Variants in RBFOX1 observed in about 807,000 individuals in gnomAD.
RBFOX1 encodes RNA binding protein fox-1 homolog 1.
Under a neutral mutation model 57.7 loss-of-function variants are expected in RBFOX1, and 8 were observed. The observed-to-expected ratio is 0.14, with a 90% CI of 0.08 to 0.25. The LOEUF is 0.25. RBFOX1 is among the 10% of genes least tolerant of loss of function. RBFOX1 has a pLI of 1.00. For missense variants in RBFOX1, 611 were observed against 548.5 expected (o/e 1.11, Z -1.14); for synonymous variants, 326 against 222.4 (o/e 1.47, Z -4.15).
intron 4 of RBFOX1, among the ~76,000 whole-genome samples, chr16:7,486,807 T>C (rs769752237): frequency 5.3e-5 from 8 of 152,162 alleles, no homozygotes; most frequent in African/African-American, 1.7e-4. Context: ...GGTTCCAACA[T>C]TGCCTGCCTC....
intron 3 of RBFOX1, among the ~76,000 whole-genome samples, chr16:6,986,823 T>C (rs1443078290): frequency 6.6e-6 from 1 of 152,124 alleles, no homozygotes; most frequent in African/African-American, 2.4e-5. Context: ...CAGGTGCCTG[T>C]ATGTTTCACT....
At chr16:6,483,209 C>T (rs1300938448) in intron 2 of RBFOX1, 4 of 1,203,352 alleles carry the variant, frequency 3.3e-6, no homozygotes, top group African/African-American at 1.6e-5. Context: ...CGAGGCCGGC[C>T]GGGGAAGCCG....
At chr16:6,990,219 C>T (rs1017800684) in intron 3 of RBFOX1, among the ~76,000 whole-genome samples, 7 of 152,076 alleles carry the variant, frequency 4.6e-5, no homozygotes, top group South Asian at 2.1e-4. Flanking sequence ...TTCTTTGCTT[C>T]GCATTTTAAA....
chr16:5,728,186 C>G (rs1596995514), intron 3 of RBFOX1, among the ~76,000 whole-genome samples: 6 of 152,220 alleles, frequency 3.9e-5, no homozygotes, highest in South Asian at 2.1e-4. Context: ...TGACAATAGC[C>G]AAGATATACA....
intron 8 of RBFOX1, among the ~76,000 whole-genome samples, chr16:7,596,596 A>G (rs1381564213): frequency 1.3e-5 from 2 of 152,058 alleles, no homozygotes; most frequent in Non-Finnish European, 2.9e-5. Flanking sequence ...ATATATATAT[A>G]TACCACGTGA....
At chr16:7,377,288 C>A (rs771267928) in intron 4 of RBFOX1, among the ~76,000 whole-genome samples, 2 of 152,170 alleles carry the variant, frequency 1.3e-5, no homozygotes, top group African/African-American at 4.8e-5. Flanking sequence ...GATACTGGGA[C>A]ACAGGTGGTC....
intron 3 of RBFOX1, among the ~76,000 whole-genome samples, chr16:5,824,114 C>T (rs904039411): frequency 6.6e-6 from 1 of 152,192 alleles, no homozygotes; most frequent in African/African-American, 2.4e-5. Context: ...CTCTCTGGGC[C>T]TGGGAGCTAG....
intron 3 of RBFOX1, among the ~76,000 whole-genome samples, chr16:6,829,202 C>T (rs1051721778): frequency 1.3e-5 from 2 of 149,484 alleles, no homozygotes; most frequent in African/African-American, 5.0e-5. Context: ...TGTCATTTGA[C>T]CCAAAAGAAA....
intron 3 of RBFOX1, among the ~76,000 whole-genome samples, chr16:6,960,140 T>C (rs1045853359): frequency 2.0e-5 from 3 of 151,962 alleles, no homozygotes; most frequent in African/African-American, 7.3e-5. Flanking sequence ...TCTTGAGAAA[T>C]AAGTTTTTTG....
intron 3 of RBFOX1, among the ~76,000 whole-genome samples, chr16:6,861,355 T>C (rs1317410802): frequency 6.6e-6 from 1 of 152,098 alleles, no homozygotes; most frequent in Non-Finnish European, 1.5e-5. Context: ...AGTAAAGAGA[T>C]GCAGTACCCT....
At chr16:7,506,761 C>G (rs1391476986) in intron 4 of RBFOX1, among the ~76,000 whole-genome samples, 1 of 152,054 alleles carries the variant, frequency 6.6e-6, no homozygotes, top group Non-Finnish European at 1.5e-5. Context: ...TGTTTAGCAC[C>G]TCAGTTTTCT....
At chr16:5,940,055 C>G (rs2059248731) in intron 4 of RBFOX1, among the ~76,000 whole-genome samples, 1 of 152,164 alleles carries the variant, frequency 6.6e-6, no homozygotes, top group Non-Finnish European at 1.5e-5. Flanking sequence ...ATAGTGAGTG[C>G]TAGGTAAATT....
rs570600231 is a variant in RBFOX1 at position 7,236,985 on chromosome 16, T to C, written c.27+184887T>C. On this transcript the variant is annotated intron_variant, in intron 4 of 15. Transcript: ENST00000550418. Reference sequence around the variant, plus strand: ...CTGTGTAACTAGGATAAGCTGGCTTTGGAAGAGGCAAGCCGTTCTTTCACT... The same window carrying C: ...CTGTGTAACTAGGATAAGCTGGCTTCGGAAGAGGCAAGCCGTTCTTTCACT... Among the ~76,000 whole-genome samples the C allele has an allele frequency of 2.4e-4, 37 of 152,332 alleles. No individual in the cohort carries two copies. The South Asian group carries it at 4.6e-3, about 19-fold the overall frequency.
chr16:5,880,796 A>G (rs2057743171), intron 4 of RBFOX1, among the ~76,000 whole-genome samples: 1 of 152,244 alleles, frequency 6.6e-6, no homozygotes, highest in Non-Finnish European at 1.5e-5. Flanking sequence ...AAATACTTAG[A>G]ATCACAAAGG....
intron 4 of RBFOX1, among the ~76,000 whole-genome samples, chr16:5,937,638 T>A (rs2152259586): frequency 6.7e-6 from 1 of 150,344 alleles, no homozygotes; most frequent in East Asian, 1.9e-4. Context: ...ATAATACAGT[T>A]TTATATATAT....
chr16:6,500,170 T>G (rs1326943841), intron 2 of RBFOX1, among the ~76,000 whole-genome samples: 1 of 152,180 alleles, frequency 6.6e-6, no homozygotes, highest in Non-Finnish European at 1.5e-5. Flanking sequence ...CGCCAACTCT[T>G]TTTAAATACC....
At position 6,254,438 on chromosome 16, in the gene RBFOX1, T is replaced by C. The variant is rs993093235; in HGVS notation, c.-126-62557T>C. Among the ~76,000 whole-genome samples the C allele has an allele frequency of 6.9e-4, 105 of 152,294 alleles. 1 individual carries two copies. The highest frequency in any genetic ancestry group is 3.4e-3 in the Middle Eastern group (1 of 294). ...AATTAAAAGCTGATGTGAAATTAAA[T>C]CTTTTATTTTCAAAGGCAGAGTAGC... is the stretch of plus-strand genomic sequence containing the variant. On this transcript the variant is annotated intron_variant, in intron 1 of 15. Coordinates refer to ENST00000550418, the MANE Select transcript of RBFOX1 (RefSeq NM_018723.4).
chr16:6,584,711 C>G (rs7196689), intron 2 of RBFOX1, among the ~76,000 whole-genome samples: 1 of 152,024 alleles, frequency 6.6e-6, no homozygotes, highest in South Asian at 2.1e-4. Context: ...TGACCTCTAG[C>G]TACTCCCAGT....
intron 10 of RBFOX1, chr16:7,614,100 G>T (rs4787048): frequency 6.6e-6 from 1 of 151,934 alleles, no homozygotes; most frequent in Non-Finnish European, 1.5e-5. Flanking sequence ...GACTAGACTC[G>T]AATCAATGGC....
Sources: gnomAD v4.1 joint callset for allele counts (sites outside exome capture counted in the v4.1 genomes callset) on GRCh38, gnomAD v4.1.1 for gene constraint, MANE v1.5 for transcripts, NCBI Gene and HGNC (gene_info 2026-07-23, HGNC 2026-07-21) for gene names.